Variants in NEURL1 observed in about 807,000 individuals in gnomAD.
NEURL1 encodes neuralized E3 ubiquitin protein ligase 1.
In NEURL1, 26 loss-of-function variants were observed where a neutral mutation model predicts 41.2. That is an observed-to-expected ratio of 0.63 (90% CI 0.46 to 0.87). The LOEUF (loss-of-function observed/expected upper bound fraction) is 0.87. Ranked by LOEUF, NEURL1 falls within the 40% of genes least tolerant of loss-of-function variation. The probability of loss-of-function intolerance (pLI) is 0.00; values close to 1 mark genes in which losing one functional copy is unlikely to be tolerated. For missense variants in NEURL1, 761 were observed against 871.1 expected, an observed-to-expected ratio of 0.87 and a Z score of 1.59; for synonymous variants, 400 against 402.3, an observed-to-expected ratio of 0.99 and a Z score of 0.07.
intron 1 of NEURL1, among the ~76,000 whole-genome samples, chr10:103,565,998 C>T (rs990759831): frequency 2.0e-5 from 3 of 152,168 alleles, no homozygotes; most frequent in Non-Finnish European, 4.4e-5. Flanking sequence ...TAGTAAAACT[C>T]GTCCTTTTCG....
rs540109180 is a variant in NEURL1 at position 103,566,970 on chromosome 10, TTTTC to T, written c.86-3890_86-3887del. Among the ~76,000 whole-genome samples, 21 of 151,942 alleles carry T rather than the reference TTTTC, an allele frequency of 1.4e-4. No homozygotes were observed. In the South Asian group the frequency reaches 2.5e-3, roughly 18 times the overall value. ...TGGTACATAAAGGAAACTTTGTTTC[TTTTC>T]TTTCTTTCTTTTTTTTTTTTTTGTT... is the stretch of plus-strand genomic sequence containing the variant. On this transcript the variant is annotated intron_variant, in intron 1 of 5. Coordinates refer to ENST00000369780, the MANE Select transcript of NEURL1 (RefSeq NM_004210.5). The surrounding 1 kb of genome is among the most constrained non-coding windows in gnomAD (Gnocchi z 4.2).
chr10:103,532,920 CTTTTTTTTT>C (rs144783148), intron 1 of NEURL1, among the ~76,000 whole-genome samples: 2 of 63,630 alleles, frequency 3.1e-5, no homozygotes, highest in Non-Finnish European at 5.3e-5. Context: ...TTCTCTTCTC[CTTTTTTTTT>C]TTTTTTTTTT....
chr10:103,581,852 G>A (rs1242845945), intron 3 of NEURL1, among the ~76,000 whole-genome samples: 1 of 152,158 alleles, frequency 6.6e-6, no homozygotes, highest in Non-Finnish European at 1.5e-5. Flanking sequence ...CAGCTCAGGA[G>A]GTAGTGGGTT....
intron 1 of NEURL1, among the ~76,000 whole-genome samples, chr10:103,543,720 C>T (rs1194514681): frequency 6.6e-6 from 1 of 152,178 alleles, no homozygotes; most frequent in Non-Finnish European, 1.5e-5. Context: ...CTGGTCTATT[C>T]CATCCCAGGG....
chr10:103,566,358 T>C lies in NEURL1; in HGVS notation c.86-4514T>C, dbSNP rs187241818. 1.8e-3 allele frequency among the ~76,000 whole-genome samples: 274 copies of C among 152,306 alleles called. 2 individuals carry two copies. Among genetic ancestry groups the C allele is most frequent in the Non-Finnish European group, 2.6e-3 (179 of 68,030 alleles). The stretch of plus-strand genomic sequence containing the variant: ...CATAAAAACTTCCTTCCTGCCTCTT[T>C]GTAGTCAAATCTCTCCCCTACTCTC... On this transcript the variant is annotated intron_variant, in intron 1 of 5. Coordinates refer to ENST00000369780, the MANE Select transcript of NEURL1 (RefSeq NM_004210.5). The surrounding 1 kb of genome is among the most constrained non-coding windows in gnomAD (Gnocchi z 4.2).
chr10:103,579,869 G>A (rs897604504), intron 3 of NEURL1, among the ~76,000 whole-genome samples: 7 of 152,080 alleles, frequency 4.6e-5, no homozygotes, highest in African/African-American at 1.7e-4. Flanking sequence ...TTGAACCTGG[G>A]AGGCAGAGGA....
intron 3 of NEURL1, among the ~76,000 whole-genome samples, chr10:103,582,341 C>G (rs145440552): frequency 0.022 from 3,305 of 152,290 alleles, 119 homozygotes; most frequent in African/African-American, 0.075. Context: ...CTACCTCCCC[C>G]CTGCACAGGC....
intron 1 of NEURL1, among the ~76,000 whole-genome samples, chr10:103,544,447 C>T (rs540619231): frequency 6.6e-6 from 1 of 152,070 alleles, no homozygotes; most frequent in South Asian, 2.1e-4. Context: ...TTGATTGCCT[C>T]CCCCCAAATG....
intron 1 of NEURL1, among the ~76,000 whole-genome samples, chr10:103,495,761 G>T (rs530395390): frequency 6.6e-6 from 1 of 152,180 alleles, no homozygotes; most frequent in Non-Finnish European, 1.5e-5. Context: ...CAGTGGATTT[G>T]TTGTGTCTTT....
intron 1 of NEURL1, among the ~76,000 whole-genome samples, chr10:103,495,498 C>T (rs762223051): frequency 6.6e-6 from 1 of 152,202 alleles, no homozygotes; most frequent in Non-Finnish European, 1.5e-5. Context: ...GTCAGCAGAG[C>T]AGAGCTAATC....
intron 1 of NEURL1, among the ~76,000 whole-genome samples, chr10:103,533,684 C>A (rs943676192): frequency 2.0e-5 from 3 of 152,132 alleles, no homozygotes; most frequent in Non-Finnish European, 4.4e-5. Flanking sequence ...CTACAGGCGC[C>A]CGCCATCACA....
At chr10:103,522,602 CAAAAA>C (rs528719693) in intron 1 of NEURL1, among the ~76,000 whole-genome samples, 2 of 106,708 alleles carry the variant, frequency 1.9e-5, no homozygotes, top group Admixed American at 1.0e-4. Context: ...AACTCCATTT[CAAAAA>C]AAAAAAAAAA....
chr10:103,560,987 T>C (rs2035279179), intron 1 of NEURL1, among the ~76,000 whole-genome samples: 1 of 152,256 alleles, frequency 6.6e-6, no homozygotes, highest in South Asian at 2.1e-4. Context: ...CTGCACTGTT[T>C]AGCTAGGTGC....
In NEURL1 at chr10:103,584,572, G is replaced by A; in HGVS notation, c.686G>A (p.Arg229His). The A allele has an allele frequency of 3.5e-6, 5 of 1,415,668 alleles. No homozygotes were observed. The highest frequency in any genetic ancestry group is 3.7e-6 in the Non-Finnish European group (4 of 1,090,076). 87.7% of individuals were successfully genotyped at this position (1,415,668 alleles called of 1,614,324 possible). ...GTGCTCCCGGACTGTCTGCGGCCGC[G>A]CTCCTTCACCGCCCTGCGGCGGCCG... ...ELVLPDCLRP[R>H]SFTALRRPSL... Residue 229 changes from arginine (R) to histidine (H), a missense_variant, in exon 4 of 6, where the codon CGC (arginine) becomes CAC (histidine). Physicochemically the swap from Arg to His is conservative, Grantham distance 29 (BLOSUM62 0). Around this residue, in one of 5 missense-constraint regions of NEURL1, gnomAD observed 114 missense variants for 144.8 expected, o/e 0.79. Coordinates refer to ENST00000369780, the MANE Select transcript of NEURL1 (RefSeq NM_004210.5).
chr10:103,584,799 G>A lies in NEURL1; in HGVS notation c.913G>A (p.Val305Ile). The A allele has an allele frequency of 7.0e-7, 1 of 1,431,460 alleles. No homozygotes were observed. Among genetic ancestry groups the A allele is most frequent in the Non-Finnish European group, 9.1e-7 (1 of 1,098,746 alleles). The allele number at this position is 1,431,460 out of a possible 1,614,324, so 88.7% of individuals were successfully genotyped here. ...CCACGCCCTGCGCGCCGGCGCGCAC[G>A]TCCGCATCCTCGACGAGCAGACGGT... ...RFHALRAGAH[V>I]RILDEQTVAR... Residue 305 changes from valine to isoleucine, a missense_variant, in exon 4 of 6, where the codon GTC becomes ATC. Val to Ile is a conservative substitution (Grantham distance 29). Around this residue, in one of 5 missense-constraint regions of NEURL1, gnomAD observed 443 missense variants for 408.1 expected, o/e 1.09. Coordinates refer to ENST00000369780, the MANE Select transcript of NEURL1 (RefSeq NM_004210.5).
chr10:103,502,680 T>C (rs2986052), intron 1 of NEURL1, among the ~76,000 whole-genome samples: 115,197 of 152,192 alleles, frequency 0.76, 43,863 homozygotes, highest in East Asian at 1. Context: ...TTCCAAGGTG[T>C]GCACAGTGAG....
intron 1 of NEURL1, among the ~76,000 whole-genome samples, chr10:103,554,148 G>T (rs938378079): frequency 1.3e-5 from 2 of 152,244 alleles, no homozygotes; most frequent in African/African-American, 4.8e-5. Context: ...CTCCCGGCAT[G>T]CCTGCCCAGG....
chr10:103,496,435 C>G (rs2033687330), intron 1 of NEURL1, among the ~76,000 whole-genome samples: 1 of 152,116 alleles, frequency 6.6e-6, no homozygotes, highest in Non-Finnish European at 1.5e-5. Flanking sequence ...GCAAAAAACC[C>G]CAACAAAAAC....
At chr10:103,575,963 G>C (rs2035654036) in intron 3 of NEURL1, among the ~76,000 whole-genome samples, 1 of 152,236 alleles carries the variant, frequency 6.6e-6, no homozygotes, top group Non-Finnish European at 1.5e-5. Flanking sequence ...GTCCCAGCAG[G>C]ACTTGGCTGG....
Sources: gnomAD v4.1 joint callset for allele counts (sites outside exome capture counted in the v4.1 genomes callset) on GRCh38, gnomAD v4.1.1 for gene constraint, gnomAD v4.1.1 regional missense constraint, Gnocchi (gnomAD v3.1) non-coding constraint, MANE v1.5 for transcripts, NCBI Gene and HGNC (gene_info 2026-07-23, HGNC 2026-07-21) for gene names.